Variants in DAB1 observed in about 807,000 individuals in gnomAD.
The protein encoded by DAB1 is disabled homolog 1.
In DAB1, 15 loss-of-function variants were observed where a neutral mutation model predicts 64.6. That is an observed-to-expected ratio of 0.23 (90% CI 0.16 to 0.36). DAB1 has a LOEUF of 0.36. DAB1 is among the 10% of genes least tolerant of loss of function. The pLI, the probability that DAB1 is intolerant of heterozygous loss-of-function variation, is 1.00. For missense variants in DAB1, 596 were observed against 706.7 expected (o/e 0.84, Z 1.78); for synonymous variants, 235 against 251.9 (o/e 0.93, Z 0.64).
chr1:58,368,613 G>A (rs1435724923), intron 3 of DAB1, among the ~76,000 whole-genome samples: 1 of 152,124 alleles, frequency 6.6e-6, no homozygotes, highest in African/African-American at 2.4e-5. Flanking sequence ...CATTCTTGAA[G>A]AATCAGTGAG....
At chr1:58,237,980 T>C (rs947511595) in intron 4 of DAB1, among the ~76,000 whole-genome samples, 1 of 152,248 alleles carries the variant, frequency 6.6e-6, no homozygotes, top group East Asian at 1.9e-4. Flanking sequence ...TTAGAACTAT[T>C]ATGTTTAACT....
At chr1:57,971,060 T>TGTTA (rs1347891399) in intron 5 of DAB1, among the ~76,000 whole-genome samples, 1 of 152,162 alleles carries the variant, frequency 6.6e-6, no homozygotes, top group Non-Finnish European at 1.5e-5. Context: ...GGGAGGTGGG[T>TGTTA]GTTACATCAT....
intron 5 of DAB1, among the ~76,000 whole-genome samples, chr1:57,952,319 A>G (rs1172133718): frequency 1.3e-5 from 2 of 152,156 alleles, no homozygotes; most frequent in Non-Finnish European, 2.9e-5. Context: ...TGATGAAGCA[A>G]TAGAAAGAAG....
At chr1:57,962,618 T>C (rs745485788) in intron 5 of DAB1, among the ~76,000 whole-genome samples, 4 of 152,136 alleles carry the variant, frequency 2.6e-5, no homozygotes, top group Non-Finnish European at 5.9e-5. Flanking sequence ...GCACCTATAA[T>C]CCTGGCACTT....
intron 5 of DAB1, among the ~76,000 whole-genome samples, chr1:58,037,934 T>C (rs893210372): frequency 2.0e-5 from 3 of 152,060 alleles, no homozygotes; most frequent in Non-Finnish European, 4.4e-5. Context: ...CCTGAATGAC[T>C]CCTTAGAGAG....
chr1:57,356,925 C>T (rs1330057703), intron 1 of DAB1, among the ~76,000 whole-genome samples: 2 of 152,096 alleles, frequency 1.3e-5, no homozygotes, highest in East Asian at 1.9e-4. Flanking sequence ...CACTCTGCCA[C>T]TTTTAAGCCA....
At chr1:57,925,755 A>T (rs1261673434) in intron 5 of DAB1, among the ~76,000 whole-genome samples, 1 of 151,898 alleles carries the variant, frequency 6.6e-6, no homozygotes, top group Non-Finnish European at 1.5e-5. Flanking sequence ...ACCCTTTCTC[A>T]CTCTCCCAAG....
At chr1:58,279,468 A>G (rs1661508248) in intron 4 of DAB1, among the ~76,000 whole-genome samples, 1 of 152,224 alleles carries the variant, frequency 6.6e-6, no homozygotes, top group East Asian at 1.9e-4. Context: ...AATTTGTGCC[A>G]TGAATTATAA....
At chr1:58,519,079 G>A (rs1008590431) in intron 2 of DAB1, among the ~76,000 whole-genome samples, 3 of 152,124 alleles carry the variant, frequency 2.0e-5, no homozygotes, top group Non-Finnish European at 4.4e-5. Context: ...ACCCCACACT[G>A]CAGAGACCCC....
At chr1:57,035,751 T>C (rs185889423) in intron 9 of DAB1, among the ~76,000 whole-genome samples, 277 of 152,124 alleles carry the variant, frequency 1.8e-3, no homozygotes, top group Non-Finnish European at 3.4e-3. Context: ...TTGTTTGGTG[T>C]TTAGCACATA....
At chr1:57,513,735 G>T (rs1011640810) in intron 7 of DAB1, among the ~76,000 whole-genome samples, 1 of 152,148 alleles carries the variant, frequency 6.6e-6, no homozygotes, top group Non-Finnish European at 1.5e-5. Flanking sequence ...ATTTTCAAGT[G>T]TATGTTGTTA....
At chr1:57,367,041 CACAAAATAAA>C in intron 1 of DAB1, among the ~76,000 whole-genome samples, 1 of 91,278 alleles carries the variant, frequency 1.1e-5, no homozygotes, top group African/African-American at 3.7e-5. Flanking sequence ...ACCCTGTCTC[CACAAAATAAA>C]ATAAAATAAA....
At chr1:57,417,872 T>G (rs2101077814) in intron 1 of DAB1, among the ~76,000 whole-genome samples, 1 of 152,292 alleles carries the variant, frequency 6.6e-6, no homozygotes, top group East Asian at 1.9e-4. Context: ...ACTTTGTCCA[T>G]GAAGTCCTAT....
chr1:58,534,312 T>C (rs776722518), intron 1 of DAB1: 9 of 853,898 alleles, frequency 1.1e-5, no homozygotes, highest in Non-Finnish European at 4.0e-6. Flanking sequence ...TAGCATATCA[T>C]TTTTAAATTC....
intron 4 of DAB1, among the ~76,000 whole-genome samples, chr1:57,107,054 G>A (rs975802131): frequency 1.3e-5 from 2 of 151,940 alleles, no homozygotes; most frequent in African/African-American, 4.8e-5. Flanking sequence ...GGCATAGTAC[G>A]TAAAAAGATT....
At chr1:58,445,082 C>T (rs1218638680) in intron 3 of DAB1, among the ~76,000 whole-genome samples, 1 of 152,158 alleles carries the variant, frequency 6.6e-6, no homozygotes, top group Non-Finnish European at 1.5e-5. Context: ...GGATTGCCCA[C>T]GATGTGGGAC....
At chr1:57,353,678 G>A (rs919087412) in intron 1 of DAB1, among the ~76,000 whole-genome samples, 41 of 152,146 alleles carry the variant, frequency 2.7e-4, no homozygotes, top group African/African-American at 9.2e-4. Flanking sequence ...GTCATACTGA[G>A]TTATTCACGC....
At chr1:57,361,562 T>G (rs1039807259) in intron 1 of DAB1, among the ~76,000 whole-genome samples, 1 of 152,142 alleles carries the variant, frequency 6.6e-6, no homozygotes, top group African/African-American at 2.4e-5. Flanking sequence ...TGTGCTCCAT[T>G]GTCGGGTTTG....
chr1:57,967,776 G>A (rs1184625973), intron 5 of DAB1, among the ~76,000 whole-genome samples: 1 of 152,106 alleles, frequency 6.6e-6, no homozygotes, highest in Admixed American at 6.6e-5. Flanking sequence ...GTTAGAAGAG[G>A]GCTCAACTCA....
Sources: gnomAD v4.1 joint callset for allele counts (sites outside exome capture counted in the v4.1 genomes callset) on GRCh38, gnomAD v4.1.1 for gene constraint, MANE v1.5 for transcripts, NCBI Gene and HGNC (gene_info 2026-07-23, HGNC 2026-07-21) for gene names.